The following FHIT variants were observed in gnomAD, a reference collection of about 807,000 sequenced individuals.
FHIT encodes the protein bis(5'-adenosyl)-triphosphatase.
A neutral mutation model predicts 17.9 loss-of-function variants in FHIT; 19 were observed. The ratio of observed to expected loss-of-function variants is 1.06; its 90% confidence interval spans 0.74 to 1.56. The LOEUF (loss-of-function observed/expected upper bound fraction) is 1.56, where lower values mean the gene tolerates loss of function less well. Ranked by LOEUF, FHIT falls within the 40% of genes most tolerant of loss-of-function variation. FHIT has a pLI of 0.00. For synonymous variants in FHIT, 81 were observed against 69.7 expected, an observed-to-expected ratio of 1.16 and a Z score of -0.81; for missense variants, 248 against 189.2, an observed-to-expected ratio of 1.31 and a Z score of -1.82.
intron 8 of FHIT, among the ~76,000 whole-genome samples, chr3:59,799,333 G>C (rs907520625): frequency 6.6e-6 from 1 of 152,148 alleles, no homozygotes; most frequent in African/African-American, 2.4e-5. Flanking sequence ...AGCTTATGCA[G>C]GTCCTACTGG....
intron 5 of FHIT, among the ~76,000 whole-genome samples, chr3:60,436,755 A>G (rs1226834591): frequency 6.6e-6 from 1 of 152,110 alleles, no homozygotes; most frequent in Admixed American, 6.6e-5. Context: ...TCTGAGCCAA[A>G]AGAGGTTTCT....
Position 60,930,921 on chromosome 3 carries a change from T to C in FHIT, c.-110-108910A>G, listed in dbSNP as rs567881970. ...TATAAAGACACATGCACACGTGTGTTTATTGCGGCACTATTTACAATAGCA... is the reference window on the plus strand; with the variant it reads ...TATAAAGACACATGCACACGTGTGTCTATTGCGGCACTATTTACAATAGCA... On this transcript the variant is annotated intron_variant, in intron 3 of 9. Transcript: ENST00000492590. 1.2e-4 allele frequency among the ~76,000 whole-genome samples: 19 copies of C among 152,306 alleles called. No homozygotes were observed. The East Asian group carries it at 3.7e-3, about 29-fold the overall frequency.
intron 5 of FHIT, among the ~76,000 whole-genome samples, chr3:60,015,889 T>C (rs1559551253): frequency 6.6e-6 from 1 of 152,232 alleles, no homozygotes; most frequent in African/African-American, 2.4e-5. Flanking sequence ...TGTTTGTCAA[T>C]TTTGCTTGTT....
intron 8 of FHIT, among the ~76,000 whole-genome samples, chr3:59,892,364 A>G (rs1259270794): frequency 6.6e-6 from 1 of 152,260 alleles, no homozygotes; most frequent in Non-Finnish European, 1.5e-5. Context: ...CAAGGAGGGC[A>G]GTCAGTGTGA....
At chr3:60,647,744 T>G (rs1479944159) in intron 4 of FHIT, among the ~76,000 whole-genome samples, 1 of 152,210 alleles carries the variant, frequency 6.6e-6, no homozygotes, top group Non-Finnish European at 1.5e-5. Context: ...TAGCCAACCT[T>G]TGTTCCAAAA....
chr3:60,456,116 C>T (rs2032075142), intron 5 of FHIT, among the ~76,000 whole-genome samples: 1 of 152,302 alleles, frequency 6.6e-6, no homozygotes, highest in Admixed American at 6.5e-5. Context: ...AATTAATCCA[C>T]ATCTGATCAC....
intron 5 of FHIT, among the ~76,000 whole-genome samples, chr3:60,287,561 G>C (rs185851884): frequency 1.3e-5 from 2 of 152,302 alleles, no homozygotes; most frequent in Admixed American, 1.3e-4. Flanking sequence ...AACACTGTTT[G>C]AGACACATAT....
At chr3:61,179,726 A>C (rs1253427117) in intron 2 of FHIT, among the ~76,000 whole-genome samples, 1 of 150,450 alleles carries the variant, frequency 6.6e-6, no homozygotes, top group Non-Finnish European at 1.5e-5. Flanking sequence ...AAAAAAAAAA[A>C]AAAAAAACCA....
At chr3:59,782,456 T>A (rs1301861304) in intron 8 of FHIT, among the ~76,000 whole-genome samples, 1 of 152,190 alleles carries the variant, frequency 6.6e-6, no homozygotes, top group East Asian at 1.9e-4. Context: ...TCAGTGCTCA[T>A]CTCACTCATG....
At chr3:60,054,756 T>C (rs1702014692) in intron 5 of FHIT, among the ~76,000 whole-genome samples, 1 of 152,134 alleles carries the variant, frequency 6.6e-6, no homozygotes, top group Non-Finnish European at 1.5e-5. Context: ...CTTTGTTGTG[T>C]TGGTGGTGGT....
rs557028238 is a variant in FHIT, at chr3:60,825,697, T to G, written c.-110-3686A>C. Among the ~76,000 whole-genome samples, 241 of 152,234 alleles carry G rather than the reference T, an allele frequency of 1.6e-3. 1 individual carries two copies. Among genetic ancestry groups the G allele is most frequent in the African/African-American group, 5.5e-3 (227 of 41,546 alleles). On this transcript the variant is annotated intron_variant, in intron 3 of 9. Coordinates refer to ENST00000492590, the MANE Select transcript of FHIT (RefSeq NM_002012.4). ...CTCCTTATGATGAGACCCTAACGCC[T>G]GATGATCTGAGGTGGAACAGTTTCA...
At chr3:61,038,367 G>A (rs2033354584) in intron 3 of FHIT, among the ~76,000 whole-genome samples, 1 of 152,180 alleles carries the variant, frequency 6.6e-6, no homozygotes, top group African/African-American at 2.4e-5. Flanking sequence ...AAACCAGAAT[G>A]TGTGACTTCC....
intron 4 of FHIT, among the ~76,000 whole-genome samples, chr3:60,796,068 C>A (rs1447829588): frequency 1.3e-5 from 2 of 152,060 alleles, no homozygotes; most frequent in Non-Finnish European, 2.9e-5. Context: ...AAAGCAGAAA[C>A]CCCTGATAAA....
intron 8 of FHIT, among the ~76,000 whole-genome samples, chr3:59,867,397 A>C (rs591934): frequency 0.55 from 83,470 of 150,842 alleles, 24,397 homozygotes; most frequent in African/African-American, 0.75. Flanking sequence ...TAATTTACCA[A>C]AGAACACATA....
chr3:61,151,894 T>C (rs572121237), intron 2 of FHIT, among the ~76,000 whole-genome samples: 1 of 152,338 alleles, frequency 6.6e-6, no homozygotes, highest in East Asian at 1.9e-4. Context: ...GATATTCTTT[T>C]CTTAAATCCA....
At chr3:59,967,877 A>G (rs977090461) in intron 7 of FHIT, among the ~76,000 whole-genome samples, 1 of 152,166 alleles carries the variant, frequency 6.6e-6, no homozygotes, top group African/African-American at 2.4e-5. Context: ...TCTAAGAAAC[A>G]TAAAAGAAAA....
intron 4 of FHIT, among the ~76,000 whole-genome samples, chr3:60,686,349 C>T (rs2040861833): frequency 6.6e-6 from 1 of 152,118 alleles, no homozygotes; most frequent in African/African-American, 2.4e-5. Context: ...GCCACTGTTT[C>T]TTCAAATATT....
At chr3:60,621,650 GC>G (rs1553678669) in intron 4 of FHIT, among the ~76,000 whole-genome samples, 1 of 152,024 alleles carries the variant, frequency 6.6e-6, no homozygotes, top group Non-Finnish European at 1.5e-5. Flanking sequence ...CACACTTTTG[GC>G]TTTCCAGAGC....
chr3:60,656,507 T>A (rs2040119693), intron 4 of FHIT, among the ~76,000 whole-genome samples: 1 of 152,064 alleles, frequency 6.6e-6, no homozygotes, highest in African/African-American at 2.4e-5. Flanking sequence ...AGACTCTCCA[T>A]TCAAACGCAC....
Sources: allele counts gnomAD v4.1 joint callset (sites outside exome capture counted in the v4.1 genomes callset), GRCh38; gene constraint gnomAD v4.1.1; transcripts MANE v1.5; gene names NCBI Gene and HGNC (gene_info 2026-07-23, HGNC 2026-07-21).